Variants in NEO1 observed in about 807,000 individuals in gnomAD.
NEO1 encodes neogenin.
A neutral mutation model predicts 159.7 loss-of-function variants in NEO1; 63 were observed. That is an observed-to-expected ratio of 0.39 (90% CI 0.32 to 0.49). NEO1 has a LOEUF of 0.49. NEO1 is among the 20% of genes least tolerant of loss of function. The pLI is 0.85. For synonymous variants in NEO1, 633 were observed against 662.0 expected, an observed-to-expected ratio of 0.96 and a Z score of 0.67; for missense variants, 1,615 against 1,831.0, an observed-to-expected ratio of 0.88 and a Z score of 2.15.
intron 5 of NEO1, among the ~76,000 whole-genome samples, chr15:73,165,765 C>T (rs1285036369): frequency 6.6e-6 from 1 of 152,194 alleles, no homozygotes; most frequent in Non-Finnish European, 1.5e-5. Flanking sequence ...GCCGTTTTTA[C>T]AGTTGAATGC....
intron 22 of NEO1, among the ~76,000 whole-genome samples, chr15:73,281,428 G>T (rs2041707724): frequency 6.6e-6 from 1 of 151,458 alleles, no homozygotes; most frequent in Non-Finnish European, 1.5e-5. Flanking sequence ...TAATTTTTTT[G>T]AATTTTTTAT....
intron 1 of NEO1, among the ~76,000 whole-genome samples, chr15:73,056,591 A>G (rs2067706336): frequency 6.6e-6 from 1 of 152,198 alleles, no homozygotes; most frequent in African/African-American, 2.4e-5. Context: ...GCCATACAGC[A>G]CAAATCTGAT....
At chr15:73,242,890 A>T (rs553479586) in intron 8 of NEO1, among the ~76,000 whole-genome samples, 33 of 152,152 alleles carry the variant, frequency 2.2e-4, no homozygotes, top group African/African-American at 5.8e-4. Context: ...ACTTCTGTTG[A>T]AAAATATCCG....
chr15:73,179,047 C>T (rs1375992426), intron 7 of NEO1, among the ~76,000 whole-genome samples: 1 of 151,982 alleles, frequency 6.6e-6, no homozygotes, highest in Non-Finnish European at 1.5e-5. Flanking sequence ...CTGATTACCA[C>T]CAAAAAACCA....
rs371546051 is a variant in NEO1 at position 73,267,833 on chromosome 15, A to G, written c.2494+1422A>G. On this transcript the variant is annotated intron_variant, in intron 16 of 28. Coordinates refer to ENST00000261908, the MANE Select transcript of NEO1 (RefSeq NM_002499.4). ...TTCCAAGTCTTTGCTTAGAGTTATA[A>G]ATTTTTTAAAAGGGCACTGGAAACC... Among the ~76,000 whole-genome samples, 23 of 152,140 alleles carry G rather than the reference A, an allele frequency of 1.5e-4. No homozygotes were observed. The South Asian group carries it at 3.1e-3, about 21-fold the overall frequency.
chr15:73,166,966 T>G (rs1048049649), intron 5 of NEO1, among the ~76,000 whole-genome samples: 9 of 151,914 alleles, frequency 5.9e-5, no homozygotes, highest in African/African-American at 2.2e-4. Flanking sequence ...TGAGTTCATG[T>G]CCTTTGTAGG....
At chr15:73,081,587 T>G (rs927651220) in intron 1 of NEO1, among the ~76,000 whole-genome samples, 7 of 152,252 alleles carry the variant, frequency 4.6e-5, no homozygotes, top group East Asian at 3.9e-4. Context: ...GTTTTGTTTT[T>G]TTTTTTCTGA....
chr15:73,145,722 A>T (rs2032833913), intron 5 of NEO1, among the ~76,000 whole-genome samples: 1 of 152,332 alleles, frequency 6.6e-6, no homozygotes, highest in South Asian at 2.1e-4. Flanking sequence ...GTTACATTGT[A>T]AATTGCATCA....
chr15:73,204,850 G>A (rs1191835285), intron 7 of NEO1, among the ~76,000 whole-genome samples: 2 of 152,166 alleles, frequency 1.3e-5, no homozygotes, highest in Non-Finnish European at 2.9e-5. Flanking sequence ...CTTGTATGCA[G>A]TAATAAGAAC....
At chr15:73,074,324 C>G (rs1237919896) in intron 1 of NEO1, among the ~76,000 whole-genome samples, 1 of 152,156 alleles carries the variant, frequency 6.6e-6, no homozygotes, top group Non-Finnish European at 1.5e-5. Flanking sequence ...GGCCAGTTAT[C>G]TAGTTTATTT....
intron 8 of NEO1, among the ~76,000 whole-genome samples, chr15:73,238,795 G>A (rs2039334693): frequency 6.6e-6 from 1 of 151,968 alleles, no homozygotes; most frequent in Non-Finnish European, 1.5e-5. Context: ...CACCATCTCA[G>A]GCGATCTTGG....
chr15:73,279,351 G>GTTTTTTTTTTTT (rs869029902), intron 22 of NEO1, among the ~76,000 whole-genome samples: 6,173 of 118,172 alleles, frequency 0.052, 800 homozygotes, highest in Non-Finnish European at 0.078. Flanking sequence ...TTTGGTTTTG[G>GTTTTTTTTTTTT]TTTTTTTTTT....
chr15:73,226,599 G>A (rs751335155), intron 7 of NEO1, among the ~76,000 whole-genome samples: 1 of 152,110 alleles, frequency 6.6e-6, no homozygotes, highest in African/African-American at 2.4e-5. Context: ...CGGTATATGT[G>A]TTAACATTTC....
chr15:73,136,063 G>A (rs776687811), intron 5 of NEO1, 36 bp downstream of exon 5: 6 of 1,555,340 alleles, frequency 3.9e-6, no homozygotes, highest in Middle Eastern at 1.7e-4. Context: ...TAAAAATCCT[G>A]TGTACTTTCT....
chr15:73,090,022 T>C (rs186275621), intron 1 of NEO1, among the ~76,000 whole-genome samples: 2 of 152,292 alleles, frequency 1.3e-5, no homozygotes, highest in Admixed American at 1.3e-4. Context: ...TGTCCTGGTT[T>C]GGAAGATAAT....
intron 4 of NEO1, among the ~76,000 whole-genome samples, chr15:73,134,472 T>C (rs2031511719): frequency 6.6e-6 from 1 of 152,210 alleles, no homozygotes; most frequent in East Asian, 1.9e-4. Flanking sequence ...ACTAGCACTT[T>C]ATTTATTTAG....
In NEO1 at chr15:73,283,036, T is replaced by C. The variant is rs1168506653; in HGVS notation, c.3335T>C (p.Val1112Ala). 4 of 1,614,216 alleles carry C rather than the reference T, an allele frequency of 2.5e-6. No individual in the cohort carries two copies. Among genetic ancestry groups the C allele is most frequent in the African/African-American group, 1.3e-5 (1 of 75,064 alleles). The change falls in exon 23 of 29, where the codon GTT (valine) becomes GCT (alanine). Residue 1112 changes from valine (V) to alanine (A), a missense_variant. By Grantham distance (64) the Val-to-Ala change is moderately conservative (BLOSUM62 0). Coordinates refer to ENST00000261908, the MANE Select transcript of NEO1 (RefSeq NM_002499.4). ...ATGCTGCTGGTCATAATTGTTTCTGTTGGCGTCATCACCATCGTGGTGGTT... is the reference window on the plus strand; with the variant it reads ...ATGCTGCTGGTCATAATTGTTTCTGCTGGCGTCATCACCATCGTGGTGGTT... ...SNMLLVIIVS[V>A]GVITIVVVVI...
rs1411107541 is a variant in NEO1, at chr15:73,298,618, G to A, written c.4165+7G>A. 6 of 1,613,932 alleles carry A rather than the reference G, an allele frequency of 3.7e-6. No individual in the cohort carries two copies. The highest frequency in any genetic ancestry group is 5.1e-6 in the Non-Finnish European group (6 of 1,179,938). On this transcript the variant is annotated splice_region_variant and intron_variant, in intron 27 of 28. Coordinates refer to ENST00000261908, the MANE Select transcript of NEO1 (RefSeq NM_002499.4). ...CCATTACTGTCCCAGCAAGGTGAGT[G>A]AGGATGGCAGCACACCTGGAGGGAG...
chr15:73,229,160 T>C (rs1243479784), intron 7 of NEO1, among the ~76,000 whole-genome samples: 1 of 152,158 alleles, frequency 6.6e-6, no homozygotes, highest in Admixed American at 6.5e-5. Context: ...GAACATGGAC[T>C]ATCTATTTAT....
Sources: allele counts gnomAD v4.1 joint callset (sites outside exome capture counted in the v4.1 genomes callset), GRCh38; gene constraint gnomAD v4.1.1; transcripts MANE v1.5; gene names NCBI Gene and HGNC (gene_info 2026-07-23, HGNC 2026-07-21).